PRKCB: variants seen among roughly 807,000 people sequenced by gnomAD.
PRKCB encodes the protein protein kinase C beta type.
A neutral mutation model predicts 81.5 loss-of-function variants in PRKCB; 13 were observed. The observed-to-expected ratio is 0.16, with a 90% CI of 0.10 to 0.25. The LOEUF is 0.25. PRKCB is among the 10% of genes least tolerant of loss of function. PRKCB has a pLI of 1.00. For missense variants in PRKCB, 509 were observed against 875.7 expected (o/e 0.58, Z 5.29); for synonymous variants, 335 against 321.4 (o/e 1.04, Z -0.45).
At chr16:24,204,685 CAG>C (rs1260490751) in intron 16 of PRKCB, among the ~76,000 whole-genome samples, 1 of 152,132 alleles carries the variant, frequency 6.6e-6, no homozygotes, top group Non-Finnish European at 1.5e-5. Context: ...AGCAAAAGAA[CAG>C]AGTCATGATT....
intron 2 of PRKCB, among the ~76,000 whole-genome samples, chr16:23,932,697 A>C (rs2141757772): frequency 6.6e-6 from 1 of 152,346 alleles, no homozygotes; most frequent in African/African-American, 2.4e-5. Context: ...CTCAGAGGTC[A>C]TGTGGACCAG....
chr16:23,895,243 C>A (rs1963360169), intron 2 of PRKCB, among the ~76,000 whole-genome samples: 1 of 152,056 alleles, frequency 6.6e-6, no homozygotes, highest in Admixed American at 6.5e-5. Context: ...CTGCAATTCT[C>A]TTTTCTCATT....
chr16:24,110,989 A>C (rs946043030), intron 7 of PRKCB: 1 of 152,272 alleles, frequency 6.6e-6, no homozygotes. Context: ...AAATCTAGCA[A>C]AATCCACAAA....
intron 5 of PRKCB, among the ~76,000 whole-genome samples, chr16:24,080,299 T>C (rs548704179): frequency 7.2e-5 from 11 of 152,322 alleles, no homozygotes; most frequent in Non-Finnish European, 1.0e-4. Flanking sequence ...ACAGTAATTC[T>C]ATGGCACACT....
At chr16:23,978,612 A>T (rs1964654415) in intron 2 of PRKCB, among the ~76,000 whole-genome samples, 1 of 152,160 alleles carries the variant, frequency 6.6e-6, no homozygotes, top group African/African-American at 2.4e-5. Context: ...ATGGAAATGG[A>T]TGGTTAATGC....
intron 10 of PRKCB, 41 bp from the exon 11 acceptor site, chr16:24,172,229 G>A (rs1241800837): frequency 2.0e-6 from 3 of 1,480,730 alleles, no homozygotes; most frequent in Non-Finnish European, 2.8e-6. Flanking sequence ...AGCCCCAGAA[G>A]CTACGGGATG....
intron 9 of PRKCB, among the ~76,000 whole-genome samples, chr16:24,136,164 A>G (rs1966864167): frequency 6.7e-6 from 1 of 150,058 alleles, no homozygotes; most frequent in Non-Finnish European, 1.5e-5. Flanking sequence ...ACCTTCCCGA[A>G]TTTTCCAGGT....
Position 23,917,497 on chromosome 16 carries a change from A to G in PRKCB, c.206-71011A>G, listed in dbSNP as rs572692021. On this transcript the variant is annotated intron_variant, in intron 2 of 16. Coordinates refer to ENST00000643927, the MANE Select transcript of PRKCB (RefSeq NM_002738.7). ...GTGGTTCTGTCCAAGCTCCTTGTTC[A>G]TATGACCTGGCCTGGGGTGACTGGA... Among the ~76,000 whole-genome samples, 315 of 152,310 alleles carry G rather than the reference A, an allele frequency of 2.1e-3. 1 individual carries two copies. The highest frequency in any genetic ancestry group is 2.9e-3 in the Admixed American group (45 of 15,292).
At chr16:24,041,126 T>C (rs1965692687) in intron 5 of PRKCB, among the ~76,000 whole-genome samples, 1 of 151,616 alleles carries the variant, frequency 6.6e-6, no homozygotes, top group Non-Finnish European at 1.5e-5. Flanking sequence ...CTCAGCTCAC[T>C]GCAACCTCCC....
At chr16:23,973,680 A>G (rs1267249058) in intron 2 of PRKCB, among the ~76,000 whole-genome samples, 1 of 150,912 alleles carries the variant, frequency 6.6e-6, no homozygotes, top group Non-Finnish European at 1.5e-5. Context: ...AGAAAATAAT[A>G]TATTTTTTTT....
intron 2 of PRKCB, among the ~76,000 whole-genome samples, chr16:23,891,832 G>A (rs1445108434): frequency 6.6e-6 from 1 of 152,156 alleles, no homozygotes; most frequent in Non-Finnish European, 1.5e-5. Flanking sequence ...TCACATTGAC[G>A]CAGGAAAGGA....
intron 7 of PRKCB, among the ~76,000 whole-genome samples, chr16:24,094,691 C>A (rs890570471): frequency 6.6e-6 from 1 of 151,844 alleles, no homozygotes; most frequent in African/African-American, 2.4e-5. Flanking sequence ...CACTTGAACC[C>A]TGGAGGCAGA....
intron 3 of PRKCB, among the ~76,000 whole-genome samples, chr16:23,994,473 C>T (rs940783518): frequency 6.6e-6 from 1 of 152,224 alleles, no homozygotes; most frequent in African/African-American, 2.4e-5. Context: ...CCTAGGAAAA[C>T]AGCCAACCAA....
In PRKCB at chr16:24,191,074, T is replaced by C; in HGVS notation, c.1723-16T>C. 1 of 1,610,742 alleles carries C rather than the reference T, an allele frequency of 6.2e-7. No individual in the cohort carries two copies. Among genetic ancestry groups the C allele is most frequent in the Non-Finnish European group, 8.5e-7 (1 of 1,178,050 alleles). On this transcript the variant is annotated splice_polypyrimidine_tract_variant and intron_variant, in intron 15 of 16. Transcript: ENST00000643927. ...TCTGAAACTCAGCAAATTCAATGTTTTTCTTTCTCTCGAAGCTGATGACCA... is the reference window on the plus strand; with the variant it reads ...TCTGAAACTCAGCAAATTCAATGTTCTTCTTTCTCTCGAAGCTGATGACCA...
intron 2 of PRKCB, among the ~76,000 whole-genome samples, chr16:23,853,273 C>T (rs1962504468): frequency 6.6e-6 from 1 of 152,228 alleles, no homozygotes; most frequent in Admixed American, 6.5e-5. Flanking sequence ...ATTTCTTACT[C>T]ATGTCACTAA....
intron 2 of PRKCB, among the ~76,000 whole-genome samples, chr16:23,865,265 TTGTGTGTGTGTGTGTG>T (rs57426992): frequency 5.4e-5 from 7 of 129,252 alleles, no homozygotes; most frequent in East Asian, 2.3e-4. Context: ...TCTGTTTTGT[TTGTGTGTGTGTGTGTG>T]TGTGTGTGTG....
chr16:23,947,136 G>A (rs1381055869), intron 2 of PRKCB, among the ~76,000 whole-genome samples: 2 of 152,158 alleles, frequency 1.3e-5, no homozygotes, highest in African/African-American at 2.4e-5. Context: ...CATTACAGGC[G>A]TGAGCCACCA....
At chr16:23,918,645 C>T (rs1202455376) in intron 2 of PRKCB, among the ~76,000 whole-genome samples, 1 of 152,178 alleles carries the variant, frequency 6.6e-6, no homozygotes, top group African/African-American at 2.4e-5. Context: ...AATCCACCCG[C>T]CTCGGCCTCC....
chr16:23,991,230 A>G (rs1478272058), intron 3 of PRKCB, among the ~76,000 whole-genome samples: 2 of 152,220 alleles, frequency 1.3e-5, no homozygotes, highest in African/African-American at 4.8e-5. Context: ...AAGATGCTGG[A>G]GCATATGTTG....
Sources: gnomAD v4.1 joint callset for allele counts (sites outside exome capture counted in the v4.1 genomes callset) on GRCh38, gnomAD v4.1.1 for gene constraint, MANE v1.5 for transcripts, NCBI Gene and HGNC (gene_info 2026-07-23, HGNC 2026-07-21) for gene names.